Variants in EPYC observed in about 807,000 individuals in gnomAD.
The protein encoded by EPYC is dermatan sulfate proteoglycan 3.
EPYC carries 28 observed loss-of-function variants against 30.1 expected under a neutral mutation model. The ratio of observed to expected loss-of-function variants is 0.93; its 90% CI spans 0.69 to 1.28. EPYC has a LOEUF of 1.28. Among genes scored for constraint, EPYC ranks in the 50% most tolerant of loss-of-function variants. The probability of loss-of-function intolerance (pLI) is 0.00; values close to 1 mark genes in which losing one functional copy is unlikely to be tolerated. For synonymous variants in EPYC, 144 were observed against 141.4 expected (o/e 1.02, Z -0.13); for missense variants, 382 against 383.5 (o/e 1.00, Z 0.03).
intron 3 of EPYC, among the ~76,000 whole-genome samples, chr12:90,974,066 A>G (rs145431786): frequency 1.3e-5 from 2 of 150,586 alleles, no homozygotes; most frequent in South Asian, 2.1e-4. Flanking sequence ...ACACACACAC[A>G]CACACACCCC....
Position 90,978,228 on chromosome 12 carries a change from C to G in EPYC, c.200G>C (p.Arg67Thr), listed in dbSNP as rs1411561589. ...CTGTGGGGGTGGAGTGAGGAGCTCTCTGTTCCCTGAAGGCATCACTGTGGC... is the reference window on the plus strand; with the variant it reads ...CTGTGGGGGTGGAGTGAGGAGCTCTGTGTTCCCTGAAGGCATCACTGTGGC... ...EIATVMPSGN[R>T]ELLTPPPQPE... The change falls in exon 3 of 7, where the codon AGA becomes ACA. Residue 67 changes from arginine (R) to threonine (T), a missense_variant. Transcript: ENST00000261172. The G allele has an allele frequency of 1.3e-6, 2 of 1,595,868 alleles. No homozygotes were observed. The highest frequency in any genetic ancestry group is 1.7e-6 in the Non-Finnish European group (2 of 1,173,600).
At chr12:90,984,450 A>G (rs916978257) in intron 2 of EPYC, among the ~76,000 whole-genome samples, 4 of 152,218 alleles carry the variant, frequency 2.6e-5, no homozygotes, top group Non-Finnish European at 5.9e-5. Flanking sequence ...TTGACCCACA[A>G]ACTCTGAAAA....
At chr12:91,004,346 A>C (rs970233014) in intron 1 of EPYC, among the ~76,000 whole-genome samples, 7 of 152,138 alleles carry the variant, frequency 4.6e-5, no homozygotes, top group African/African-American at 1.7e-4. Context: ...GAATCTTAAA[A>C]ATATATACAG....
chr12:90,972,934 G>C lies in EPYC; in HGVS notation c.387C>G (p.Tyr129Ter), dbSNP rs756262038. Residue 129 changes from tyrosine (Y) to a stop codon, truncating the protein, a stop_gained, in exon 4 of 7, where the codon TAC (tyrosine) becomes TAG (stop). Transcript: ENST00000261172. LOFTEE classifies it high-confidence loss of function. Reference sequence around the variant, plus strand: ...TAGCATCAAGTTCATGGTCATCACAGTACACGGTGGTACTTATACAAGTAC... The same window carrying C: ...TAGCATCAAGTTCATGGTCATCACACTACACGGTGGTACTTATACAAGTAC... ...LLCTCISTTV[Y>*]CDDHELDAIP... The C allele has an allele frequency of 1.2e-5, 20 of 1,610,854 alleles. No individual in the cohort carries two copies. Among genetic ancestry groups the C allele is most frequent in the Non-Finnish European group, 1.6e-5 (19 of 1,177,758 alleles).
rs139823670 is a variant in EPYC, at chr12:91,000,147, A to G, written c.165+2254T>C. ...GAATGTTAAGTAAGGGATAACTAAT[A>G]TATTTCAGTCAACCACAAGGGATTG... On this transcript the variant is annotated intron_variant, in intron 2 of 6. Coordinates refer to ENST00000261172, the MANE Select transcript of EPYC (RefSeq NM_004950.5). 7.4e-3 allele frequency among the ~76,000 whole-genome samples: 1,119 copies of G among 152,208 alleles called. 11 individuals carry two copies. Among genetic ancestry groups the G allele is most frequent in the Non-Finnish European group, 0.011 (725 of 67,968 alleles).
chr12:90,977,838 C>T lies in EPYC; in HGVS notation c.340+250G>A, dbSNP rs920600087. Among the ~76,000 whole-genome samples, 103 of 152,028 alleles carry T rather than the reference C, an allele frequency of 6.8e-4. 1 individual carries two copies. Among genetic ancestry groups the T allele is most frequent in the African/African-American group, 2.4e-3 (100 of 41,400 alleles). On this transcript the variant is annotated intron_variant, in intron 3 of 6. Transcript: ENST00000261172. ...ACAAATACATTCCACCACCAGGTTT[C>T]GAGTAATGATACACAATATTTTCAT...
At chr12:90,994,216 C>T (rs1276983589) in intron 2 of EPYC, among the ~76,000 whole-genome samples, 1 of 152,112 alleles carries the variant, frequency 6.6e-6, no homozygotes, top group Non-Finnish European at 1.5e-5. Context: ...GGTTAGCCTT[C>T]ATCATAGCCC....
chr12:91,000,484 T>C (rs1022241898), intron 2 of EPYC, among the ~76,000 whole-genome samples: 12 of 152,110 alleles, frequency 7.9e-5, no homozygotes, highest in Admixed American at 7.9e-4. Context: ...TACAGCTTTA[T>C]GGGCAGTGAA....
intron 4 of EPYC, 109 bp downstream of exon 4, chr12:90,972,713 G>T (rs1877082085): frequency 1.0e-6 from 1 of 975,194 alleles, no homozygotes; most frequent in Admixed American, 2.8e-5. Flanking sequence ...ATTGATTCAT[G>T]AACCAGGCTT....
intron 2 of EPYC, among the ~76,000 whole-genome samples, chr12:90,988,134 G>A (rs1482706656): frequency 6.6e-6 from 1 of 152,048 alleles, no homozygotes; most frequent in Non-Finnish European, 1.5e-5. Context: ...GAAAAACAAG[G>A]CATATTTTAG....
intron 2 of EPYC, among the ~76,000 whole-genome samples, chr12:90,980,821 T>A (rs1287470561): frequency 6.6e-6 from 1 of 152,220 alleles, no homozygotes; most frequent in Non-Finnish European, 1.5e-5. Context: ...CTGCTTGTTT[T>A]ACTCTGACTT....
intron 2 of EPYC, among the ~76,000 whole-genome samples, chr12:90,993,117 C>T (rs11105905): frequency 0.059 from 8,970 of 152,154 alleles, 392 homozygotes; most frequent in African/African-American, 0.11. Context: ...TCTGTTGATC[C>T]CTTTTCTCAC....
intron 2 of EPYC, among the ~76,000 whole-genome samples, chr12:90,984,393 A>G (rs569184492): frequency 6.6e-6 from 1 of 152,162 alleles, no homozygotes; most frequent in Non-Finnish European, 1.5e-5. Context: ...ACATTCAGGC[A>G]TCAACAGGCT....
At chr12:90,974,113 T>C (rs1000452671) in intron 3 of EPYC, among the ~76,000 whole-genome samples, 1 of 151,116 alleles carries the variant, frequency 6.6e-6, no homozygotes, top group African/African-American at 2.4e-5. Flanking sequence ...TGTTTAGTGA[T>C]CATGGAGAGG....
At chr12:90,970,404 G>A (rs998264161) in intron 5 of EPYC, among the ~76,000 whole-genome samples, 4 of 152,150 alleles carry the variant, frequency 2.6e-5, no homozygotes, top group East Asian at 1.9e-4. Flanking sequence ...GAAGAACCAT[G>A]TTTTGTTCAG....
intron 2 of EPYC, among the ~76,000 whole-genome samples, chr12:90,994,182 C>T (rs1200479904): frequency 2.0e-5 from 3 of 152,112 alleles, no homozygotes; most frequent in Non-Finnish European, 4.4e-5. Context: ...GTAAGTGGAT[C>T]TAATGTGAAC....
intron 2 of EPYC, among the ~76,000 whole-genome samples, chr12:90,993,252 G>A (rs1877627655): frequency 6.6e-6 from 1 of 152,082 alleles, no homozygotes; most frequent in Admixed American, 6.6e-5. Context: ...GATTTATGGG[G>A]GTAGACTTTG....
At chr12:90,965,741 G>C (rs1876878168) in intron 6 of EPYC, among the ~76,000 whole-genome samples, 1 of 151,860 alleles carries the variant, frequency 6.6e-6, no homozygotes, top group Non-Finnish European at 1.5e-5. Flanking sequence ...TTCCACCTTA[G>C]TCGTAAGTCT....
rs1876821521 is a variant in EPYC at position 90,963,836 on chromosome 12, T to C, written c.*320A>G. ...AAGTGTTCATTTCAAAATTTTACTT[T>C]ATTATGTACTTAATTTGAAATGATA... On this transcript the variant is annotated 3_prime_UTR_variant, in exon 7 of 7. Coordinates refer to ENST00000261172, the MANE Select transcript of EPYC (RefSeq NM_004950.5). 5.7e-6 allele frequency: 1 copy of C among 174,490 alleles called. No individual in the cohort carries two copies. The highest frequency in any genetic ancestry group is 1.5e-4 in the East Asian group (1 of 6,812). The allele number at this position is 174,490 out of a possible 1,614,324, so 10.8% of individuals were successfully genotyped here.
Sources: allele counts gnomAD v4.1 joint callset (sites outside exome capture counted in the v4.1 genomes callset), GRCh38; gene constraint gnomAD v4.1.1; transcripts MANE v1.5; gene names NCBI Gene and HGNC (gene_info 2026-07-23, HGNC 2026-07-21).